Variants in CSMD1 observed in about 807,000 individuals in gnomAD.
CSMD1 encodes the protein CUB and sushi domain-containing protein 1.
A neutral mutation model predicts 417.5 loss-of-function variants in CSMD1; 213 were observed. The observed-to-expected ratio is 0.51, with a 90% CI of 0.46 to 0.57. The LOEUF (loss-of-function observed/expected upper bound fraction) is 0.57, where lower values mean the gene tolerates loss of function less well. Among genes scored for constraint, CSMD1 ranks in the 20% least tolerant of loss-of-function variants. The pLI is 0.00. For missense variants in CSMD1, 6,923 were observed against 4,529.7 expected (o/e 1.53, Z -15.17); for synonymous variants, 2,862 against 1,736.8 (o/e 1.65, Z -16.11).
intron 3 of CSMD1, among the ~76,000 whole-genome samples, chr8:4,218,537 T>G (rs1283766808): frequency 6.6e-6 from 1 of 152,218 alleles, no homozygotes; most frequent in Non-Finnish European, 1.5e-5. Flanking sequence ...AAACTCACAT[T>G]TGAATTTGTT....
rs1262670438 is a variant in CSMD1, at chr8:3,129,581, C to A, written c.6242-10994G>T. Among the ~76,000 whole-genome samples, 3 of 151,936 alleles carry A rather than the reference C, an allele frequency of 2.0e-5. No homozygotes were observed. The East Asian group carries it at 5.8e-4, about 29-fold the overall frequency. On this transcript the variant is annotated intron_variant, in intron 41 of 69. Transcript: ENST00000635120. ...CTTGAGGTCAGGAGTTCAAGACCAG[C>A]CTGCCCAACATGGTGAAACCTTCTC...
chr8:4,566,428 T>C (rs1184012198), intron 2 of CSMD1, among the ~76,000 whole-genome samples: 9 of 150,766 alleles, frequency 6.0e-5, no homozygotes, highest in East Asian at 2.0e-4. Flanking sequence ...CCGAGGTGGG[T>C]TGATCACGAG....
intron 8 of CSMD1, among the ~76,000 whole-genome samples, chr8:3,616,107 T>G (rs186826631): frequency 1.7e-3 from 257 of 152,324 alleles, no homozygotes; most frequent in African/African-American, 6.0e-3. Context: ...TATTTTACCT[T>G]CTATCTTTAA....
intron 10 of CSMD1, among the ~76,000 whole-genome samples, chr8:3,519,833 G>A (rs906527741): frequency 2.6e-5 from 4 of 151,824 alleles, no homozygotes; most frequent in Non-Finnish European, 5.9e-5. Flanking sequence ...TCTTACCATG[G>A]TATCAACCAT....
At chr8:3,845,097 A>G (rs1803410133) in intron 5 of CSMD1, among the ~76,000 whole-genome samples, 1 of 152,254 alleles carries the variant, frequency 6.6e-6, no homozygotes. Flanking sequence ...ACATATATTT[A>G]GAAGCAAGAA....
intron 7 of CSMD1, among the ~76,000 whole-genome samples, chr8:3,700,118 GT>G (rs1429369382): frequency 6.6e-6 from 1 of 152,150 alleles, no homozygotes; most frequent in Non-Finnish European, 1.5e-5. Flanking sequence ...AAGAGTGGGA[GT>G]GGGGCGAGGG....
rs539614791 is a variant in CSMD1 at position 4,518,697 on chromosome 8, G to A, written c.303-98632C>T. Among the ~76,000 whole-genome samples the A allele has an allele frequency of 7.2e-3, 1,087 of 151,866 alleles. 7 individuals carry two copies. Among genetic ancestry groups the A allele is most frequent in the Non-Finnish European group, 0.011 (777 of 67,970 alleles). ...CGAGTTAACGGTGCAGCACACCAAC[G>A]TGGCACATGTATACATATGTAACTA... On this transcript the variant is annotated intron_variant, in intron 2 of 69. Transcript: ENST00000635120.
chr8:3,655,657 G>A (rs1017698849), intron 7 of CSMD1, among the ~76,000 whole-genome samples: 8 of 105,840 alleles, frequency 7.6e-5, no homozygotes, highest in Non-Finnish European at 1.2e-4. Context: ...AATGGAGGTT[G>A]CGTTTTTTTT....
chr8:4,468,275 C>T (rs1312473293), intron 2 of CSMD1, among the ~76,000 whole-genome samples: 1 of 152,216 alleles, frequency 6.6e-6, no homozygotes, highest in Non-Finnish European at 1.5e-5. Context: ...ACCCCACCTT[C>T]ACCCAAGGAA....
intron 1 of CSMD1, among the ~76,000 whole-genome samples, chr8:4,865,715 A>T (rs1802386108): frequency 6.6e-6 from 1 of 151,890 alleles, no homozygotes; most frequent in African/African-American, 2.4e-5. Flanking sequence ...TTCTAATGCA[A>T]AATGTATCTA....
At chr8:4,791,503 A>G (rs551901919) in intron 1 of CSMD1, among the ~76,000 whole-genome samples, 20 of 152,314 alleles carry the variant, frequency 1.3e-4, no homozygotes, top group Non-Finnish European at 2.6e-4. Context: ...AGGAGTAACA[A>G]ACAATCCAAT....
rs150499939 is a variant in CSMD1, at chr8:3,069,176, C to A, written c.7475-16529G>T. On this transcript the variant is annotated intron_variant, in intron 49 of 69. Coordinates refer to ENST00000635120, the MANE Select transcript of CSMD1 (RefSeq NM_033225.6). The stretch of plus-strand genomic sequence containing the variant: ...CTGGGCCGGGCGCAGTGACTCACAC[C>A]TGTAATCTCAGCACTTTGGTAGGCT... Among the ~76,000 whole-genome samples the A allele has an allele frequency of 3.6e-3, 554 of 152,224 alleles. 2 individuals are homozygous for A. Among genetic ancestry groups the A allele is most frequent in the African/African-American group, 0.013 (528 of 41,552 alleles).
chr8:4,657,626 G>T (rs1340975931), intron 1 of CSMD1, among the ~76,000 whole-genome samples: 1 of 150,978 alleles, frequency 6.6e-6, no homozygotes, highest in Non-Finnish European at 1.5e-5. Context: ...AAATTAATTT[G>T]CACAGTTACC....
chr8:4,118,260 T>C (rs981631464), intron 3 of CSMD1, among the ~76,000 whole-genome samples: 1 of 152,160 alleles, frequency 6.6e-6, no homozygotes. Context: ...TTCTGAAACA[T>C]GCCCTTAAGA....
intron 54 of CSMD1, among the ~76,000 whole-genome samples, chr8:2,997,009 G>T (rs1806954706): frequency 6.6e-6 from 1 of 152,222 alleles, no homozygotes; most frequent in African/African-American, 2.4e-5. Context: ...TTAAGCTGGG[G>T]TGGTTCCCTC....
chr8:4,183,062 C>A (rs1048251604), intron 3 of CSMD1, among the ~76,000 whole-genome samples: 1 of 152,132 alleles, frequency 6.6e-6, no homozygotes, highest in Admixed American at 6.6e-5. Context: ...ACAGATACCA[C>A]TGCTAGATGT....
chr8:4,219,892 G>T (rs183346959), intron 3 of CSMD1, among the ~76,000 whole-genome samples: 9 of 152,238 alleles, frequency 5.9e-5, no homozygotes, highest in Admixed American at 2.6e-4. Flanking sequence ...ATACCAGGTG[G>T]AAACGATGTA....
chr8:4,743,097 A>T (rs1366075577), intron 1 of CSMD1, among the ~76,000 whole-genome samples: 1 of 152,228 alleles, frequency 6.6e-6, no homozygotes, highest in Non-Finnish European at 1.5e-5. Context: ...GCTAAGAGTC[A>T]GTATATAATC....
At chr8:4,211,546 C>G (rs1800313629) in intron 3 of CSMD1, among the ~76,000 whole-genome samples, 1 of 152,086 alleles carries the variant, frequency 6.6e-6, no homozygotes, top group African/African-American at 2.4e-5. Flanking sequence ...TTTGAGCATT[C>G]CAAGAAATGT....
Sources: gnomAD v4.1 joint callset for allele counts (sites outside exome capture counted in the v4.1 genomes callset) on GRCh38, gnomAD v4.1.1 for gene constraint, MANE v1.5 for transcripts, NCBI Gene and HGNC (gene_info 2026-07-23, HGNC 2026-07-21) for gene names.